Variants in XYLT1 observed in about 807,000 individuals in gnomAD.
XYLT1 encodes beta-D-xylosyltransferase 1.
A neutral mutation model predicts 91.3 loss-of-function variants in XYLT1; 36 were observed. The ratio of observed to expected loss-of-function variants is 0.39; its 90% CI spans 0.30 to 0.52. The LOEUF (loss-of-function observed/expected upper bound fraction) is 0.52, where lower values mean the gene tolerates loss of function less well. Ranked by LOEUF, XYLT1 falls within the 20% of genes least tolerant of loss-of-function variation. The pLI, the probability that XYLT1 is intolerant of heterozygous loss-of-function variation, is 0.68. For synonymous variants in XYLT1, 588 were observed against 532.0 expected (o/e 1.11, Z -1.45); for missense variants, 1,242 against 1,284.5 (o/e 0.97, Z 0.51).
rs550166410 is a variant in XYLT1 at position 17,242,012 on chromosome 16, G to C, written c.913+16976C>G. ...CGCAGGCAAGAGATAACTTCAGCTGGGGAACTCCTCTTTATAAAACCATCA... is the reference window on the plus strand; with the variant it reads ...CGCAGGCAAGAGATAACTTCAGCTGCGGAACTCCTCTTTATAAAACCATCA... On this transcript the variant is annotated intron_variant, in intron 3 of 11. Coordinates refer to ENST00000261381, the MANE Select transcript of XYLT1 (RefSeq NM_022166.4). 1.3e-4 allele frequency among the ~76,000 whole-genome samples: 20 copies of C among 152,282 alleles called. No homozygotes were observed. In the South Asian group the frequency reaches 3.7e-3, roughly 28 times the overall value.
chr16:17,357,133 T>G, intron 2 of XYLT1, among the ~76,000 whole-genome samples: 1 of 124,528 alleles, frequency 8.0e-6, no homozygotes, highest in African/African-American at 3.1e-5. Context: ...GCCGAGATCA[T>G]GCCACTGCAC....
chr16:17,342,721 C>CA (rs200220961), intron 2 of XYLT1, among the ~76,000 whole-genome samples: 12,866 of 150,194 alleles, frequency 0.086, 1,127 homozygotes, highest in African/African-American at 0.23. Flanking sequence ...GACCCTGTCT[C>CA]AAAAAAAAAC....
intron 2 of XYLT1, among the ~76,000 whole-genome samples, chr16:17,315,024 C>T (rs542430880): frequency 3.5e-4 from 53 of 152,200 alleles, no homozygotes; most frequent in African/African-American, 1.2e-3. Context: ...GCGGGTTATT[C>T]GCAGAGTCAA....
At chr16:17,233,467 A>G (rs1472137166) in intron 3 of XYLT1, among the ~76,000 whole-genome samples, 6 of 152,322 alleles carry the variant, frequency 3.9e-5, no homozygotes, top group Admixed American at 3.9e-4. Context: ...CAGAAATTTA[A>G]GTAGGAAGGT....
chr16:17,156,124 G>T (rs575702723), intron 6 of XYLT1, among the ~76,000 whole-genome samples: 2 of 152,318 alleles, frequency 1.3e-5, no homozygotes, highest in Non-Finnish European at 2.9e-5. Context: ...AACCAGTTCA[G>T]AGAGGTTAAG....
rs375812560 is a variant in XYLT1 at position 17,307,219 on chromosome 16, T to C, written c.403-47721A>G. ...TCAGCCTCCTGAGTAGCTGGGATTA[T>C]AGGTGTAGACCACCACGCCCAGTAA... On this transcript the variant is annotated intron_variant, in intron 2 of 11. Coordinates refer to ENST00000261381, the MANE Select transcript of XYLT1 (RefSeq NM_022166.4). Among the ~76,000 whole-genome samples the C allele has an allele frequency of 5.7e-4, 87 of 152,260 alleles. 1 individual carries two copies. The South Asian group carries it at 0.013, about 22-fold the overall frequency.
At chr16:17,318,805 T>TC (rs397756476) in intron 2 of XYLT1, among the ~76,000 whole-genome samples, 1 of 151,538 alleles carries the variant, frequency 6.6e-6, no homozygotes, top group Non-Finnish European at 1.5e-5. Context: ...TTTTTTTTTT[T>TC]CTTCAGATGA....
chr16:17,407,463 C>T (rs1222404245), intron 1 of XYLT1, among the ~76,000 whole-genome samples: 1 of 152,124 alleles, frequency 6.6e-6, no homozygotes, highest in Non-Finnish European at 1.5e-5. Flanking sequence ...ATTATAAATC[C>T]TCTATATATT....
intron 6 of XYLT1, among the ~76,000 whole-genome samples, chr16:17,143,518 T>C (rs2031042667): frequency 6.6e-6 from 1 of 152,028 alleles, no homozygotes; most frequent in African/African-American, 2.4e-5. Context: ...TATGAATAAC[T>C]CTATTGTATG....
intron 1 of XYLT1, among the ~76,000 whole-genome samples, chr16:17,417,359 C>A (rs1192368610): frequency 6.6e-6 from 1 of 152,126 alleles, no homozygotes; most frequent in Non-Finnish European, 1.5e-5. Flanking sequence ...TTCCCTCATT[C>A]TCTCAGCTCT....
At chr16:17,109,080 T>C (rs1966818796) in intron 11 of XYLT1, 63 bp from the exon 12 acceptor site, 1 of 1,452,766 alleles carries the variant, frequency 6.9e-7, no homozygotes, top group Admixed American at 2.4e-5. Flanking sequence ...CTATTCATAC[T>C]TACCCTGTGC....
chr16:17,121,132 T>A (rs2030041637), intron 10 of XYLT1, among the ~76,000 whole-genome samples: 1 of 152,202 alleles, frequency 6.6e-6, no homozygotes, highest in South Asian at 2.1e-4. Context: ...ACAAAACAGA[T>A]GAATGGCCAC....
At chr16:17,338,696 C>T (rs547164664) in intron 2 of XYLT1, 27 of 357,472 alleles carry the variant, frequency 7.6e-5, no homozygotes, top group South Asian at 5.1e-4. Context: ...GCAATGCTCC[C>T]GTCTCAGCTT....
intron 8 of XYLT1, among the ~76,000 whole-genome samples, chr16:17,136,837 A>G (rs1024457936): frequency 3.3e-5 from 5 of 152,066 alleles, no homozygotes; most frequent in African/African-American, 1.2e-4. Context: ...AGAGGCTACA[A>G]TGTCCCCAGG....
At chr16:17,295,748 G>T (rs1174211918) in intron 2 of XYLT1, among the ~76,000 whole-genome samples, 5 of 152,168 alleles carry the variant, frequency 3.3e-5, no homozygotes, top group African/African-American at 1.2e-4. Flanking sequence ...TGGGGAAGGG[G>T]AATGCTACCA....
chr16:17,470,361 G>A, intron 1 of XYLT1, 73 bp downstream of exon 1: 8 of 1,205,618 alleles, frequency 6.6e-6, no homozygotes, highest in Non-Finnish European at 7.2e-6. Context: ...GAGTTCAAGG[G>A]CTAGGGGGGC....
At chr16:17,311,357 A>G (rs935665658) in intron 2 of XYLT1, among the ~76,000 whole-genome samples, 3 of 152,192 alleles carry the variant, frequency 2.0e-5, no homozygotes, top group African/African-American at 7.2e-5. Flanking sequence ...CATGGGCTTC[A>G]GTAGCCTGCT....
chr16:17,419,967 C>T (rs1326586400), intron 1 of XYLT1, among the ~76,000 whole-genome samples: 1 of 152,136 alleles, frequency 6.6e-6, no homozygotes, highest in Admixed American at 6.6e-5. Flanking sequence ...ATAATGAATC[C>T]AAAATCTATT....
chr16:17,358,685 C>A (rs534961451), intron 1 of XYLT1, among the ~76,000 whole-genome samples: 1 of 152,232 alleles, frequency 6.6e-6, no homozygotes, highest in African/African-American at 2.4e-5. Flanking sequence ...GCACCCTTGC[C>A]AAAGAGCTCA....
Sources: gnomAD v4.1 joint callset for allele counts (sites outside exome capture counted in the v4.1 genomes callset) on GRCh38, gnomAD v4.1.1 for gene constraint, MANE v1.5 for transcripts, NCBI Gene and HGNC (gene_info 2026-07-23, HGNC 2026-07-21) for gene names.